Variants in NR3C2 observed in about 807,000 individuals in gnomAD.
NR3C2 encodes the protein mineralocorticoid receptor.
A neutral mutation model predicts 86.4 loss-of-function variants in NR3C2; 15 were observed. The observed-to-expected ratio is 0.17, with a 90% CI of 0.12 to 0.27. NR3C2 has a LOEUF of 0.27. Among genes scored for constraint, NR3C2 ranks in the 10% least tolerant of loss-of-function variants. NR3C2 has a pLI of 1.00. For missense variants in NR3C2, 960 were observed against 1,195.6 expected (o/e 0.80, Z 2.91); for synonymous variants, 458 against 450.5 (o/e 1.02, Z -0.21).
rs5534 is a variant in NR3C2, at chr4:148,079,934, T to C, written c.*1410A>G. ...ACCTCTTTCCAAGATCAGAAGGGAA[T>C]AGCTGATCTTTAACAGAGAGAGAGT... On this transcript the variant is annotated 3_prime_UTR_variant, in exon 9 of 9. Transcript: ENST00000358102. The C allele has an allele frequency of 0.5, 75,819 of 152,086 alleles. 21,143 individuals carry two copies. The highest frequency in any genetic ancestry group is 0.83 in the East Asian group (4,295 of 5,174). 9.4% of individuals were successfully genotyped at this position (152,086 alleles called of 1,614,324 possible).
chr4:148,353,699 A>G (rs1349450377), intron 2 of NR3C2, among the ~76,000 whole-genome samples: 1 of 152,208 alleles, frequency 6.6e-6, no homozygotes, highest in Non-Finnish European at 1.5e-5. Context: ...TTATAATTAT[A>G]TTCCTATATG....
intron 6 of NR3C2, among the ~76,000 whole-genome samples, chr4:148,136,056 CAAAAAAAAAAAAA>C (rs199716496): frequency 5.6e-5 from 4 of 71,206 alleles, no homozygotes; most frequent in East Asian, 2.6e-4. Context: ...GACTCCGTCT[CAAAAAAAAAAAAA>C]AAAAAAACAA....
intron 3 of NR3C2, 66 bp downstream of exon 3, chr4:148,259,912 T>C: frequency 6.3e-7 from 1 of 1,584,088 alleles, no homozygotes; most frequent in Non-Finnish European, 8.7e-7. Flanking sequence ...GCTATAGCAT[T>C]AGCTGTACAA....
chr4:148,232,987 C>T (rs933618770), intron 3 of NR3C2, among the ~76,000 whole-genome samples: 6 of 152,224 alleles, frequency 3.9e-5, no homozygotes, highest in African/African-American at 1.4e-4. Flanking sequence ...TTTGGATTAG[C>T]TTTGGCTTAA....
At chr4:148,202,878 A>G (rs1469105423) in intron 3 of NR3C2, among the ~76,000 whole-genome samples, 1 of 152,288 alleles carries the variant, frequency 6.6e-6, no homozygotes, top group Non-Finnish European at 1.5e-5. Context: ...TGTGGTCATT[A>G]TGGGAATCCA....
chr4:148,283,343 C>G (rs959609394), intron 2 of NR3C2, among the ~76,000 whole-genome samples: 7 of 152,102 alleles, frequency 4.6e-5, no homozygotes, highest in Non-Finnish European at 1.0e-4. Flanking sequence ...GATCACTAAA[C>G]TTTTAAATAA....
At chr4:148,319,440 G>A (rs1211239005) in intron 2 of NR3C2, among the ~76,000 whole-genome samples, 1 of 151,832 alleles carries the variant, frequency 6.6e-6, no homozygotes, top group East Asian at 1.9e-4. Context: ...TGATGGGGAT[G>A]GCATTGAATC....
At chr4:148,115,889 A>AT (rs546533066) in intron 7 of NR3C2, among the ~76,000 whole-genome samples, 4 of 152,172 alleles carry the variant, frequency 2.6e-5, no homozygotes, top group Admixed American at 6.5e-5. Context: ...AACAAATAGT[A>AT]TTTTTTTCTC....
intron 2 of NR3C2, among the ~76,000 whole-genome samples, chr4:148,293,488 G>A (rs1327627795): frequency 6.6e-6 from 1 of 152,176 alleles, no homozygotes; most frequent in Non-Finnish European, 1.5e-5. Context: ...AGTTTGGTTA[G>A]TGTGGGTATG....
At chr4:148,223,944 A>G (rs982602683) in intron 3 of NR3C2, among the ~76,000 whole-genome samples, 1 of 152,154 alleles carries the variant, frequency 6.6e-6, no homozygotes, top group African/African-American at 2.4e-5. Context: ...CTATAGGCAA[A>G]TGAACATATA....
chr4:148,138,450 C>T (rs754177677), intron 6 of NR3C2, among the ~76,000 whole-genome samples: 11 of 152,104 alleles, frequency 7.2e-5, no homozygotes, highest in Non-Finnish European at 1.2e-4. Context: ...GGTGCGATCT[C>T]GGCTCACTGT....
intron 8 of NR3C2, among the ~76,000 whole-genome samples, chr4:148,092,454 C>A (rs1370356571): frequency 1.3e-5 from 2 of 152,126 alleles, no homozygotes; most frequent in Non-Finnish European, 2.9e-5. Context: ...TGCTGTGCAA[C>A]CCTGGTGTGG....
At chr4:148,342,983 A>G (rs1744821341) in intron 2 of NR3C2, among the ~76,000 whole-genome samples, 1 of 152,166 alleles carries the variant, frequency 6.6e-6, no homozygotes, top group South Asian at 2.1e-4. Context: ...ACAAGGACAG[A>G]TTTTTAGCCC....
intron 2 of NR3C2, among the ~76,000 whole-genome samples, chr4:148,392,855 G>C (rs1747659389): frequency 6.6e-6 from 1 of 152,248 alleles, no homozygotes; most frequent in East Asian, 1.9e-4. Flanking sequence ...TTGGTTTTGT[G>C]GTGAATGATA....
At chr4:148,275,269 A>T (rs898176547) in intron 2 of NR3C2, among the ~76,000 whole-genome samples, 2 of 152,188 alleles carry the variant, frequency 1.3e-5, no homozygotes, top group Non-Finnish European at 2.9e-5. Flanking sequence ...GTTAGGGTGG[A>T]AGAAAACTTT....
intron 6 of NR3C2, among the ~76,000 whole-genome samples, chr4:148,126,266 G>A (rs1214880050): frequency 6.6e-6 from 1 of 152,190 alleles, no homozygotes; most frequent in Non-Finnish European, 1.5e-5. Context: ...TTGCAGGGAT[G>A]TATGAACTAA....
chr4:148,346,586 A>G (rs1428415415), intron 2 of NR3C2, among the ~76,000 whole-genome samples: 8 of 152,094 alleles, frequency 5.3e-5, no homozygotes, highest in Non-Finnish European at 1.5e-5. Context: ...GGTAGCCACT[A>G]GCCACATGTT....
intron 8 of NR3C2, among the ~76,000 whole-genome samples, chr4:148,105,439 C>A (rs189199168): frequency 6.6e-6 from 1 of 152,156 alleles, no homozygotes; most frequent in Non-Finnish European, 1.5e-5. Context: ...CCGAATTCTA[C>A]GGGAGGTACA....
At chr4:148,107,270 G>T (rs1236823105) in intron 8 of NR3C2, among the ~76,000 whole-genome samples, 8 of 152,160 alleles carry the variant, frequency 5.3e-5, no homozygotes, top group Non-Finnish European at 7.4e-5. Flanking sequence ...GCTCATTAGA[G>T]AAATGCAAAT....
Sources: gnomAD v4.1 joint callset for allele counts (sites outside exome capture counted in the v4.1 genomes callset) on GRCh38, gnomAD v4.1.1 for gene constraint, MANE v1.5 for transcripts, NCBI Gene and HGNC (gene_info 2026-07-23, HGNC 2026-07-21) for gene names.